Variants in ZC3H3 observed in about 807,000 individuals in gnomAD.
The protein encoded by ZC3H3 is zinc finger CCCH domain-containing protein 3.
Under a neutral mutation model 77.3 loss-of-function variants are expected in ZC3H3, and 36 were observed. The observed-to-expected ratio is 0.47, with a 90% confidence interval of 0.36 to 0.61. The LOEUF is 0.61. ZC3H3 is among the 20% of genes least tolerant of loss of function. The pLI is 0.00. For synonymous variants in ZC3H3, 626 were observed against 555.2 expected, an observed-to-expected ratio of 1.13 and a Z score of -1.79; for missense variants, 1,331 against 1,312.2, an observed-to-expected ratio of 1.01 and a Z score of -0.22.
At chr8:143,520,208 T>G (rs1040576001) in intron 3 of ZC3H3, among the ~76,000 whole-genome samples, 6 of 152,180 alleles carry the variant, frequency 3.9e-5, no homozygotes, top group Non-Finnish European at 7.4e-5. Context: ...AAGAGGCAGG[T>G]GGGGTCTCCC....
chr8:143,506,707 T>C (rs1821707796), intron 4 of ZC3H3, among the ~76,000 whole-genome samples: 1 of 151,624 alleles, frequency 6.6e-6, no homozygotes, highest in African/African-American at 2.4e-5. Flanking sequence ...CCAAGCTGAG[T>C]GTGGCCTGGT....
At chr8:143,534,886 A>C in intron 3 of ZC3H3, among the ~76,000 whole-genome samples, 1 of 150,274 alleles carries the variant, frequency 6.7e-6, no homozygotes, top group African/African-American at 2.5e-5. Flanking sequence ...CTCCCACCCC[A>C]CTGTGCTGCA....
intron 9 of ZC3H3, among the ~76,000 whole-genome samples, chr8:143,445,463 T>C (rs1819843693): frequency 6.7e-6 from 1 of 150,140 alleles, no homozygotes; most frequent in African/African-American, 2.5e-5. Context: ...GGTGGGAGGA[T>C]TGCTTGAGAC....
intron 3 of ZC3H3, among the ~76,000 whole-genome samples, chr8:143,519,959 ACCCCCCAGCCTGCCTAGGGCCG>A (rs913123218): frequency 2.0e-5 from 3 of 150,354 alleles, no homozygotes; most frequent in African/African-American, 7.4e-5. Flanking sequence ...GACGCAAACC[ACCCCCCAGCCTGCCTAGGGCCG>A]CCCCCCAGGC....
chr8:143,517,106 C>CT (rs1247008158), intron 3 of ZC3H3, among the ~76,000 whole-genome samples: 1 of 152,248 alleles, frequency 6.6e-6, no homozygotes, highest in Non-Finnish European at 1.5e-5. Flanking sequence ...AGACCCTACT[C>CT]TTCTTAAAGT....
rs1162297678 is a variant in ZC3H3 at position 143,465,932 on chromosome 8, C to G, written c.2176-84G>C. On this transcript the variant is annotated intron_variant, in intron 8 of 11. Transcript: ENST00000262577. Reference sequence around the variant, plus strand: ...GGTGGCTGGGGACCCTCCTACGGCCCCGCCCGAGAGAGAAATGGACACGCG... The same window carrying G: ...GGTGGCTGGGGACCCTCCTACGGCCGCGCCCGAGAGAGAAATGGACACGCG... The G allele has an allele frequency of 2.0e-6, 3 of 1,501,682 alleles. No individual in the cohort carries two copies. The South Asian group carries it at 3.7e-5, about 19-fold the overall frequency. The allele number at this position is 1,501,682 out of a possible 1,614,324, so 93.0% of individuals were successfully genotyped here.
chr8:143,515,494 G>A (rs1273398663), intron 3 of ZC3H3, among the ~76,000 whole-genome samples: 4 of 152,274 alleles, frequency 2.6e-5, no homozygotes, highest in East Asian at 3.8e-4. Flanking sequence ...TGGGCACCAC[G>A]GGAGGCTCAG....
intron 4 of ZC3H3, among the ~76,000 whole-genome samples, chr8:143,496,230 T>C (rs564089683): frequency 6.6e-6 from 1 of 152,236 alleles, no homozygotes; most frequent in Admixed American, 6.5e-5. Context: ...AACGCCCTTG[T>C]TCTGACTCAA....
intron 11 of ZC3H3, 59 bp downstream of exon 11, chr8:143,439,982 C>G (rs1256531939): frequency 7.0e-7 from 1 of 1,426,178 alleles, no homozygotes; most frequent in African/African-American, 1.5e-5. Context: ...GGCCGTGCTG[C>G]CTACCTGAAT....
Position 143,440,183 on chromosome 8 carries a change from T to G in ZC3H3, c.2673A>C (p.Pro891=). Residue 891 remains proline (P), a synonymous_variant, in exon 11 of 12, where the codon CCA becomes CCC. Coordinates refer to ENST00000262577, the MANE Select transcript of ZC3H3 (RefSeq NM_015117.3). ...CTGCTAAGGCAGCCTCCTGGAGAGA[T>G]GGTGCCTCGTGGTCCAAGGAAGCGG... ...SPPASLDHEA[P]SLQEAALAAA... The G allele has an allele frequency of 6.2e-7, 1 of 1,611,706 alleles. No homozygotes were observed. The highest frequency in any genetic ancestry group is 8.5e-7 in the Non-Finnish European group (1 of 1,179,604).
intron 3 of ZC3H3, among the ~76,000 whole-genome samples, chr8:143,522,195 T>C (rs1286088709): frequency 5.3e-5 from 8 of 152,200 alleles, no homozygotes; most frequent in South Asian, 2.1e-4. Flanking sequence ...GCAAACGTCA[T>C]GCTGCTCCTC....
chr8:143,451,301 A>G (rs575431069), intron 9 of ZC3H3, among the ~76,000 whole-genome samples: 7 of 152,320 alleles, frequency 4.6e-5, no homozygotes, highest in African/African-American at 1.7e-4. Flanking sequence ...ACACTAGCAA[A>G]ACCAAAAGCT....
At chr8:143,496,351 G>A (rs969585101) in intron 4 of ZC3H3, among the ~76,000 whole-genome samples, 3 of 152,206 alleles carry the variant, frequency 2.0e-5, no homozygotes, top group Non-Finnish European at 4.4e-5. Context: ...AGGAGCCGGG[G>A]TTCTGCAGAG....
rs779579428 is a variant in ZC3H3 at position 143,468,450 on chromosome 8, G to A, written c.2037C>T (p.Phe679=). Residue 679 remains phenylalanine, a synonymous_variant, in exon 7 of 12, where the codon TTC becomes TTT. Coordinates refer to ENST00000262577, the MANE Select transcript of ZC3H3 (RefSeq NM_015117.3). ...RKEYCMYYNR[F]GRCNRGERCP... is the part of the protein sequence containing the mutation. ...AGCGCTCGCCACGGTTGCACCTGCC[G>A]AAGCGGTTGTAGTACATGCAGTACT... 4.3e-5 allele frequency: 70 copies of A among 1,610,082 alleles called. No homozygotes were observed. The South Asian group carries it at 5.0e-4, about 11-fold the overall frequency.
chr8:143,454,402 A>ATT (rs1159428177), intron 9 of ZC3H3, among the ~76,000 whole-genome samples: 10 of 125,150 alleles, frequency 8.0e-5, no homozygotes, highest in East Asian at 2.3e-4. Flanking sequence ...ACAATTCATA[A>ATT]TTTTTTTTTT....
At chr8:143,450,919 G>A (rs1041385234) in intron 9 of ZC3H3, among the ~76,000 whole-genome samples, 13 of 152,110 alleles carry the variant, frequency 8.5e-5, no homozygotes, top group African/African-American at 3.1e-4. Flanking sequence ...GCTGGCTGAG[G>A]GTGTATGGGA....
At chr8:143,502,930 G>A (rs1205070310) in intron 4 of ZC3H3, among the ~76,000 whole-genome samples, 1 of 152,242 alleles carries the variant, frequency 6.6e-6, no homozygotes, top group African/African-American at 2.4e-5. Flanking sequence ...GGCTGGCCAA[G>A]GCCGGCTCTC....
chr8:143,478,368 G>A (rs945411709), intron 4 of ZC3H3, among the ~76,000 whole-genome samples: 5 of 152,204 alleles, frequency 3.3e-5, no homozygotes, highest in African/African-American at 4.8e-5. Context: ...AAGGGCCCGT[G>A]GGGCAGAGGC....
chr8:143,468,522 G>C lies in ZC3H3; in HGVS notation c.1965C>G (p.Ser655Arg). The C allele has an allele frequency of 1.9e-6, 3 of 1,608,716 alleles. No individual in the cohort carries two copies. The highest frequency in any genetic ancestry group is 2.5e-6 in the Non-Finnish European group (3 of 1,178,158). The change falls in exon 7 of 12, where the codon AGC (serine) becomes AGG (arginine). Residue 655 changes from serine to arginine, a missense_variant. Physicochemically the swap from Ser to Arg is moderately radical, Grantham distance 110 (BLOSUM62 -1). This residue lies in a region of ZC3H3 where 978 missense variants were observed against 915.5 expected (regional missense o/e 1.07). Coordinates refer to ENST00000262577, the MANE Select transcript of ZC3H3 (RefSeq NM_015117.3). ...GCCGCGCCTGCCGGATGATGGCCAG[G>C]CTGCGCTGCACTGCCCGGCTGCAGA... is the stretch of plus-strand genomic sequence containing the variant. Reference protein sequence around the residue: ...RSLASRAVQRSLAIIRQARQR... With the variant: ...RSLASRAVQRRLAIIRQARQR...
Sources: allele counts gnomAD v4.1 joint callset (sites outside exome capture counted in the v4.1 genomes callset), GRCh38; gene constraint gnomAD v4.1.1; regional missense constraint gnomAD v4.1.1; transcripts MANE v1.5; gene names NCBI Gene and HGNC (gene_info 2026-07-23, HGNC 2026-07-21).